Variants in CCNY observed in about 807,000 individuals in gnomAD.
The protein encoded by CCNY is cyclin Y, also known as cyclin-Y.
A neutral mutation model predicts 42.8 loss-of-function variants in CCNY; 19 were observed. The observed-to-expected ratio is 0.44, with a 90% confidence interval of 0.31 to 0.65. The LOEUF (loss-of-function observed/expected upper bound fraction) is 0.65. CCNY is among the 30% of genes least tolerant of loss of function. The pLI, the probability that CCNY is intolerant of heterozygous loss-of-function variation, is 0.07. For synonymous variants in CCNY, 165 were observed against 162.7 expected, an observed-to-expected ratio of 1.01 and a Z score of -0.11; for missense variants, 370 against 437.3, an observed-to-expected ratio of 0.85 and a Z score of 1.37.
chr10:35,532,289 G>C (rs1840785310), intron 7 of CCNY, among the ~76,000 whole-genome samples: 1 of 152,232 alleles, frequency 6.6e-6, no homozygotes, highest in Admixed American at 6.5e-5. Flanking sequence ...AGTCTGGCCT[G>C]GAGTTGACAG....
chr10:35,283,113 T>G (rs1835315985), intron 3 of CCNY, among the ~76,000 whole-genome samples: 1 of 152,192 alleles, frequency 6.6e-6, no homozygotes. Flanking sequence ...CCAAACTAGC[T>G]TTTGATTCAT....
intron 7 of CCNY, among the ~76,000 whole-genome samples, chr10:35,531,255 G>A (rs1020956119): frequency 1.1e-4 from 17 of 152,208 alleles, no homozygotes; most frequent in African/African-American, 3.6e-4. Flanking sequence ...ACCATTTCCT[G>A]TAGTTTCTGA....
At chr10:35,402,760 C>T (rs1837670806) in intron 1 of CCNY, among the ~76,000 whole-genome samples, 1 of 152,076 alleles carries the variant, frequency 6.6e-6, no homozygotes, top group Non-Finnish European at 1.5e-5. Flanking sequence ...TTGGAGGATA[C>T]CTTGTCACTG....
intron 7 of CCNY, among the ~76,000 whole-genome samples, chr10:35,537,186 G>A (rs1840903464): frequency 6.6e-6 from 1 of 152,218 alleles, no homozygotes; most frequent in Non-Finnish European, 1.5e-5. Flanking sequence ...CCTTCTGTGT[G>A]GCATTGAGCC....
chr10:35,448,762 TC>T (rs1440074199), intron 1 of CCNY, among the ~76,000 whole-genome samples: 1 of 151,894 alleles, frequency 6.6e-6, no homozygotes, highest in East Asian at 1.9e-4. Flanking sequence ...GCATGTCCAG[TC>T]CTGTAGCCAC....
intron 3 of CCNY, among the ~76,000 whole-genome samples, chr10:35,507,228 T>G (rs1840232996): frequency 6.6e-6 from 1 of 152,210 alleles, no homozygotes; most frequent in Non-Finnish European, 1.5e-5. Context: ...TCCCTTAGCC[T>G]TGTGTTATAA....
chr10:35,319,087 C>T (rs935922514), intron 3 of CCNY, among the ~76,000 whole-genome samples: 4 of 152,072 alleles, frequency 2.6e-5, no homozygotes, highest in African/African-American at 9.7e-5. Flanking sequence ...CTCAGCCTCT[C>T]AAGTAGCTGA....
intron 1 of CCNY, among the ~76,000 whole-genome samples, chr10:35,435,705 T>A (rs1838514608): frequency 6.6e-6 from 1 of 152,172 alleles, no homozygotes; most frequent in Non-Finnish European, 1.5e-5. Context: ...TTGCGAGCTG[T>A]TGGTACAATC....
intron 7 of CCNY, among the ~76,000 whole-genome samples, chr10:35,539,297 A>C (rs552462376): frequency 2.0e-4 from 31 of 152,224 alleles, no homozygotes; most frequent in African/African-American, 7.5e-4. Flanking sequence ...AGCACCCACC[A>C]CCTCAAAAAT....
chr10:35,354,926 T>C (rs754004092), intron 1 of CCNY, among the ~76,000 whole-genome samples: 5 of 152,230 alleles, frequency 3.3e-5, no homozygotes, highest in Non-Finnish European at 7.3e-5. Flanking sequence ...TTTCTTTTAA[T>C]CTTTATTCTT....
chr10:35,502,618 T>G (rs1264508028), intron 3 of CCNY, among the ~76,000 whole-genome samples: 1 of 152,218 alleles, frequency 6.6e-6, no homozygotes, highest in Non-Finnish European at 1.5e-5. Flanking sequence ...GTCAGAGGGC[T>G]TATTATTTTT....
At chr10:35,311,322 A>G (rs1051292731) in intron 3 of CCNY, among the ~76,000 whole-genome samples, 5 of 151,936 alleles carry the variant, frequency 3.3e-5, no homozygotes, top group Admixed American at 6.6e-5. Context: ...TGTCTCAATT[A>G]ACAACAACAA....
At chr10:35,254,123 G>C (rs891168073) in intron 3 of CCNY, among the ~76,000 whole-genome samples, 1 of 151,886 alleles carries the variant, frequency 6.6e-6, no homozygotes, top group South Asian at 2.1e-4. Context: ...GTGATCCGCC[G>C]GCCTCAGCCT....
At chr10:35,274,658 C>T (rs1414513021) in intron 3 of CCNY, among the ~76,000 whole-genome samples, 1 of 152,168 alleles carries the variant, frequency 6.6e-6, no homozygotes, top group Non-Finnish European at 1.5e-5. Flanking sequence ...GGCCCGGGTC[C>T]CTTTCAAGTG....
intron 1 of CCNY, among the ~76,000 whole-genome samples, chr10:35,406,886 C>G (rs1028899355): frequency 6.6e-6 from 1 of 151,916 alleles, no homozygotes; most frequent in Non-Finnish European, 1.5e-5. Context: ...CCGTCCCCGT[C>G]GGGGCGGCCG....
intron 3 of CCNY, among the ~76,000 whole-genome samples, chr10:35,503,726 G>T (rs1840158518): frequency 1.3e-5 from 2 of 152,178 alleles, no homozygotes. Context: ...GCACAATTCA[G>T]TATTACTGTT....
chr10:35,295,517 C>T (rs1037110371), intron 3 of CCNY, among the ~76,000 whole-genome samples: 5 of 152,106 alleles, frequency 3.3e-5, no homozygotes, highest in Non-Finnish European at 7.4e-5. Context: ...CAGGCTTGAG[C>T]CACCGCCCCC....
At chr10:35,430,630 G>T (rs1838370734) in intron 1 of CCNY, among the ~76,000 whole-genome samples, 1 of 152,092 alleles carries the variant, frequency 6.6e-6, no homozygotes, top group Non-Finnish European at 1.5e-5. Context: ...AGAGGATTGA[G>T]GGTGGAAGTT....
intron 3 of CCNY, among the ~76,000 whole-genome samples, chr10:35,253,450 A>C (rs1450104349): frequency 9.5e-6 from 1 of 104,822 alleles, no homozygotes; most frequent in Non-Finnish European, 1.8e-5. Flanking sequence ...TTTTGTAGAG[A>C]TGGGTGTGTT....
Sources: allele counts gnomAD v4.1 joint callset (sites outside exome capture counted in the v4.1 genomes callset), GRCh38; gene constraint gnomAD v4.1.1; transcripts MANE v1.5; gene names NCBI Gene and HGNC (gene_info 2026-07-23, HGNC 2026-07-21).